The following NRG3 variants were observed in gnomAD, a reference collection of about 807,000 sequenced individuals.
NRG3 encodes pro-neuregulin-3, membrane-bound isoform.
A neutral mutation model predicts 66.9 loss-of-function variants in NRG3; 31 were observed. The observed-to-expected ratio is 0.46, with a 90% CI of 0.35 to 0.63. The LOEUF (loss-of-function observed/expected upper bound fraction) is 0.63, where lower values mean the gene tolerates loss of function less well. NRG3 is among the 20% of genes least tolerant of loss of function. NRG3 has a pLI of 0.00. For missense variants in NRG3, 910 were observed against 878.9 expected, an observed-to-expected ratio of 1.04 and a Z score of -0.45; for synonymous variants, 393 against 359.4, an observed-to-expected ratio of 1.09 and a Z score of -1.06.
chr10:82,241,362 G>A (rs1247022469), intron 1 of NRG3, among the ~76,000 whole-genome samples: 1 of 152,044 alleles, frequency 6.6e-6, no homozygotes, highest in African/African-American at 2.4e-5. Context: ...GTCCTTATCA[G>A]TAAAATGTCT....
chr10:82,869,567 A>ATTTATTTTATTTTATTTTAT (rs55739136), intron 4 of NRG3, among the ~76,000 whole-genome samples: 3,196 of 113,102 alleles, frequency 0.028, 152 homozygotes, highest in African/African-American at 0.043. Context: ...GGTCTTTTTT[A>ATTTATTTTATTTTATTTTAT]TTTATTTTAT....
chr10:82,491,311 T>TACATATATATATATATATATATATAC (rs1463309947), intron 2 of NRG3, among the ~76,000 whole-genome samples: 3 of 134,732 alleles, frequency 2.2e-5, no homozygotes, highest in South Asian at 2.5e-4. Flanking sequence ...TATATATATA[T>TACATATATATATATATATATATATAC]ATATAAAATA....
chr10:82,374,663 A>G (rs1358588316), intron 2 of NRG3, among the ~76,000 whole-genome samples: 1 of 152,146 alleles, frequency 6.6e-6, no homozygotes, highest in Non-Finnish European at 1.5e-5. Flanking sequence ...GTTTCCAACA[A>G]GGTCGCAAGT....
At chr10:82,147,100 G>T (rs1205741137) in intron 1 of NRG3, among the ~76,000 whole-genome samples, 1 of 152,176 alleles carries the variant, frequency 6.6e-6, no homozygotes, top group Non-Finnish European at 1.5e-5. Context: ...CAGGTTGGGG[G>T]TCATCACTAT....
chr10:82,896,467 G>A (rs1843671857), intron 4 of NRG3, among the ~76,000 whole-genome samples: 1 of 152,200 alleles, frequency 6.6e-6, no homozygotes, highest in Admixed American at 6.5e-5. Context: ...GACTGTGAAT[G>A]AATTTGTGGA....
intron 2 of NRG3, among the ~76,000 whole-genome samples, chr10:82,423,712 T>C (rs966655903): frequency 6.6e-6 from 1 of 152,012 alleles, no homozygotes; most frequent in Non-Finnish European, 1.5e-5. Flanking sequence ...TTAAAGGTGT[T>C]GATATTCACA....
chr10:82,871,560 T>A (rs924947617), intron 4 of NRG3, among the ~76,000 whole-genome samples: 13 of 152,122 alleles, frequency 8.5e-5, no homozygotes, highest in African/African-American at 2.9e-4. Context: ...ACATGGAATA[T>A]CTCTTCACTT....
intron 1 of NRG3, among the ~76,000 whole-genome samples, chr10:82,221,193 A>AT (rs765844798): frequency 2.0e-5 from 3 of 150,342 alleles, no homozygotes; most frequent in East Asian, 1.9e-4. Flanking sequence ...GGAACTGAGG[A>AT]TTTTTTTCTA....
At chr10:82,575,063 GGA>G (rs1372622836) in intron 2 of NRG3, among the ~76,000 whole-genome samples, 1 of 151,572 alleles carries the variant, frequency 6.6e-6, no homozygotes, top group Non-Finnish European at 1.5e-5. Flanking sequence ...ATTGCAGAGT[GGA>G]TAGTGTTATC....
At chr10:82,488,507 T>C (rs1194230429) in intron 2 of NRG3, among the ~76,000 whole-genome samples, 1 of 152,244 alleles carries the variant, frequency 6.6e-6, no homozygotes. Context: ...AAAATTATTA[T>C]TATTTTTTAA....
chr10:82,124,064 C>T (rs950790661), intron 1 of NRG3, among the ~76,000 whole-genome samples: 4 of 152,034 alleles, frequency 2.6e-5, no homozygotes, highest in African/African-American at 7.2e-5. Context: ...AGTATTTTAT[C>T]TATCTACTTC....
intron 1 of NRG3, among the ~76,000 whole-genome samples, chr10:82,281,349 T>C (rs1268414290): frequency 2.0e-5 from 3 of 151,972 alleles, no homozygotes; most frequent in Non-Finnish European, 4.4e-5. Flanking sequence ...AAGAGATGGA[T>C]AGGAACTTAC....
At chr10:81,927,231 G>A (rs529799714) in intron 1 of NRG3, among the ~76,000 whole-genome samples, 3 of 152,160 alleles carry the variant, frequency 2.0e-5, no homozygotes, top group East Asian at 3.9e-4. Context: ...GAAAGTAAAC[G>A]CCAAATTATT....
chr10:82,168,091 A>T (rs191415208), intron 1 of NRG3, among the ~76,000 whole-genome samples: 17 of 152,226 alleles, frequency 1.1e-4, no homozygotes, highest in Admixed American at 7.9e-4. Context: ...CTTAATAATA[A>T]ACAAAATGAC....
chr10:82,187,836 AGACT>A (rs1038318118), intron 1 of NRG3, among the ~76,000 whole-genome samples: 8 of 152,194 alleles, frequency 5.3e-5, no homozygotes, highest in African/African-American at 1.7e-4. Flanking sequence ...TTTATTTTGA[AGACT>A]GACATCATAG....
intron 1 of NRG3, among the ~76,000 whole-genome samples, chr10:81,925,122 T>A (rs1250135576): frequency 6.6e-6 from 1 of 152,172 alleles, no homozygotes; most frequent in Non-Finnish European, 1.5e-5. Flanking sequence ...TTACAGGCCA[T>A]TAATTGTTAC....
intron 8 of NRG3, among the ~76,000 whole-genome samples, chr10:82,983,423 A>G (rs532855305): frequency 6.6e-6 from 1 of 152,186 alleles, no homozygotes; most frequent in South Asian, 2.1e-4. Flanking sequence ...GAATTTCCAA[A>G]TATGTAGCTG....
intron 1 of NRG3, among the ~76,000 whole-genome samples, chr10:82,287,306 C>T (rs1206826558): frequency 6.6e-6 from 1 of 152,012 alleles, no homozygotes; most frequent in Admixed American, 6.6e-5. Context: ...TCGCCTGTGA[C>T]TTGCCTGCTT....
intron 2 of NRG3, among the ~76,000 whole-genome samples, chr10:82,694,089 G>A (rs539162803): frequency 3.3e-5 from 5 of 150,798 alleles, no homozygotes; most frequent in African/African-American, 7.3e-5. Context: ...AGCTGGACAC[G>A]GAGCGCTGAT....
Sources: gnomAD v4.1 joint callset for allele counts (sites outside exome capture counted in the v4.1 genomes callset) on GRCh38, gnomAD v4.1.1 for gene constraint, MANE v1.5 for transcripts, NCBI Gene and HGNC (gene_info 2026-07-23, HGNC 2026-07-21) for gene names.